MIA2: variants seen among roughly 807,000 people sequenced by gnomAD.
MIA2 encodes the protein MIA SH3 domain ER export factor 2, also known as melanoma inhibitory activity protein 2.
In MIA2, 127 loss-of-function variants were observed where a neutral mutation model predicts 167.8. That is an observed-to-expected ratio of 0.76 (90% CI 0.66 to 0.88). The LOEUF is 0.88. MIA2 is among the 40% of genes least tolerant of loss of function. The probability of loss-of-function intolerance (pLI) is 0.00; values close to 1 mark genes in which losing one functional copy is unlikely to be tolerated. For synonymous variants in MIA2, 552 were observed against 541.9 expected (o/e 1.02, Z -0.26); for missense variants, 1,690 against 1,624.7 (o/e 1.04, Z -0.69).
chr14:39,307,321 A>C (rs1158322606), intron 17 of MIA2, among the ~76,000 whole-genome samples: 1 of 152,034 alleles, frequency 6.6e-6, no homozygotes, highest in Non-Finnish European at 1.5e-5. Flanking sequence ...CTAAAATTGA[A>C]AATTAGATGC....
chr14:39,260,246 G>A (rs2055030093), intron 6 of MIA2, among the ~76,000 whole-genome samples: 1 of 152,148 alleles, frequency 6.6e-6, no homozygotes, highest in South Asian at 2.1e-4. Context: ...TGGGTCAAAT[G>A]GTATTTCTAG....
At chr14:39,315,481 A>G (rs933398440) in intron 20 of MIA2, among the ~76,000 whole-genome samples, 22 of 152,226 alleles carry the variant, frequency 1.4e-4, no homozygotes, top group African/African-American at 2.2e-4. Context: ...CAAACAAAAA[A>G]TTTAATTGTC....
At chr14:39,378,571 A>G (rs2075090250) in intron 23 of MIA2, among the ~76,000 whole-genome samples, 1 of 152,266 alleles carries the variant, frequency 6.6e-6, no homozygotes, top group Admixed American at 6.5e-5. Flanking sequence ...CACAACTGAC[A>G]AGGAAATTTA....
At chr14:39,316,271 G>A (rs2065419397) in intron 21 of MIA2, among the ~76,000 whole-genome samples, 1 of 152,192 alleles carries the variant, frequency 6.6e-6, no homozygotes, top group African/African-American at 2.4e-5. Context: ...CTAATTATAA[G>A]AAAGACACTG....
At chr14:39,267,723 G>C (rs1253152925) in intron 6 of MIA2, among the ~76,000 whole-genome samples, 1 of 152,242 alleles carries the variant, frequency 6.6e-6, no homozygotes, top group African/African-American at 2.4e-5. Flanking sequence ...GTGTGATGGA[G>C]GAGGACCTGG....
At position 39,349,425 on chromosome 14, in the gene MIA2, G is replaced by A. The variant is rs77380556; in HGVS notation, c.4072+448G>A. Among the ~76,000 whole-genome samples the A allele has an allele frequency of 2.4e-4, 37 of 152,190 alleles. No homozygotes were observed. The East Asian group carries it at 2.9e-3, about 12-fold the overall frequency. ...TTAAAACTTAAAATGTATTTATTAC[G>A]TTTGACCGAATTTTTGGATTTATTG... On this transcript the variant is annotated intron_variant, in intron 28 of 28. Transcript: ENST00000640607.
intron 26 of MIA2, chr14:39,347,474 G>A: frequency 2.0e-6 from 1 of 494,406 alleles, no homozygotes; most frequent in South Asian, 2.5e-5. Context: ...TTCTGCTCCA[G>A]CAGGATTGCT....
downstream of MIA2, among the ~76,000 whole-genome samples, chr14:39,354,279 T>TC (rs2139241481): frequency 6.6e-6 from 1 of 152,336 alleles, no homozygotes; most frequent in South Asian, 2.1e-4. Context: ...AGATGGTATC[T>TC]CATTGTGGTT....
downstream of MIA2, among the ~76,000 whole-genome samples, chr14:39,354,943 A>G (rs896099858): frequency 2.6e-5 from 4 of 151,958 alleles, no homozygotes; most frequent in Admixed American, 6.5e-5. Flanking sequence ...TACCAGTACC[A>G]TGCTGTTTTG....
At chr14:39,360,736 C>T (rs1166783036) in intron 23 of MIA2, among the ~76,000 whole-genome samples, 1 of 152,124 alleles carries the variant, frequency 6.6e-6, no homozygotes, top group African/African-American at 2.4e-5. Context: ...TTTGCTTAGA[C>T]CAATGCCCTA....
At chr14:39,341,831 A>G (rs2071944567) in intron 25 of MIA2, among the ~76,000 whole-genome samples, 1 of 152,184 alleles carries the variant, frequency 6.6e-6, no homozygotes, top group Non-Finnish European at 1.5e-5. Flanking sequence ...TATAATCATA[A>G]CAAGCTTAAT....
intron 9 of MIA2, among the ~76,000 whole-genome samples, chr14:39,285,254 T>C (rs1384509012): frequency 1.3e-5 from 2 of 152,088 alleles, no homozygotes; most frequent in Non-Finnish European, 2.9e-5. Flanking sequence ...CCGTTCTCAA[T>C]GAGCTGTTGG....
At position 39,266,292 on chromosome 14, in the gene MIA2, C is replaced by T. The variant is rs966059494; in HGVS notation, c.1888-10642C>T. 4.1e-6 allele frequency: 4 copies of T among 985,286 alleles called. No homozygotes were observed. In the African/African-American group the frequency reaches 7.0e-5, roughly 17 times the overall value. 61.0% of individuals were successfully genotyped at this position (985,286 alleles called of 1,614,324 possible). A position where few individuals can be genotyped will look rare whatever the true frequency, so the allele number is the denominator to read the frequency against. On this transcript the variant is annotated intron_variant, in intron 6 of 28. Coordinates refer to ENST00000640607, the MANE Select transcript of MIA2 (RefSeq NM_001329214.4). ...TGAGATGGGTTATCCTTTACACCTA[C>T]GTCAGCTAAAACCGTCTCCTACGAA...
intron 14 of MIA2, among the ~76,000 whole-genome samples, chr14:39,301,289 T>G (rs2062450459): frequency 6.6e-6 from 1 of 152,194 alleles, no homozygotes; most frequent in Non-Finnish European, 1.5e-5. Flanking sequence ...GTCTTGGAAC[T>G]CCTGACCTCA....
chr14:39,333,805 A>G (rs1229019347), intron 25 of MIA2, among the ~76,000 whole-genome samples: 1 of 152,134 alleles, frequency 6.6e-6, no homozygotes, highest in African/African-American at 2.4e-5. Flanking sequence ...ACTCTACCAT[A>G]CTAGAAATGG....
Position 39,320,910 on chromosome 14 carries a change from C to A in MIA2, c.3368-18C>A, listed in dbSNP as rs780691748. ...AAGTGAAACTATGAATTTAAATATG[C>A]TGTTTTAATTATTCCAGAGCATTCC... is the stretch of plus-strand genomic sequence containing the variant. On this transcript the variant is annotated intron_variant, in intron 23 of 28. Coordinates refer to ENST00000640607, the MANE Select transcript of MIA2 (RefSeq NM_001329214.4). The A allele has an allele frequency of 1.2e-6, 2 of 1,604,938 alleles. No homozygotes were observed. Among genetic ancestry groups the A allele is most frequent in the Non-Finnish European group, 1.7e-6 (2 of 1,176,984 alleles).
chr14:39,249,871 A>G (rs997978709), intron 4 of MIA2, among the ~76,000 whole-genome samples: 1 of 152,150 alleles, frequency 6.6e-6, no homozygotes, highest in Admixed American at 6.5e-5. Flanking sequence ...GAACCAGGTG[A>G]TTTTTTTGAA....
intron 13 of MIA2, 152 bp from the exon 14 acceptor site, chr14:39,299,712 A>G (rs2062089938): frequency 1.7e-6 from 1 of 601,764 alleles, no homozygotes; most frequent in Non-Finnish European, 2.7e-6. Context: ...TAGTTGAAGA[A>G]TGTGTGTGTT....
At chr14:39,279,231 G>T (rs971336785) in intron 7 of MIA2, 106 bp from the exon 8 acceptor site, 1 of 858,876 alleles carries the variant, frequency 1.2e-6, no homozygotes. Context: ...TTTATACAAA[G>T]GCAATAAGAA....
Sources: allele counts gnomAD v4.1 joint callset (sites outside exome capture counted in the v4.1 genomes callset), GRCh38; gene constraint gnomAD v4.1.1; transcripts MANE v1.5; gene names NCBI Gene and HGNC (gene_info 2026-07-23, HGNC 2026-07-21).